The following STAG1 variants were observed in gnomAD, a reference collection of about 807,000 sequenced individuals.
STAG1 encodes the protein cohesin subunit SA-1.
STAG1 carries 26 observed loss-of-function variants against 170.9 expected under a neutral mutation model. That is an observed-to-expected ratio of 0.15 (90% confidence interval 0.11 to 0.21). The LOEUF (loss-of-function observed/expected upper bound fraction) is 0.21. Among genes scored for constraint, STAG1 ranks in the 10% least tolerant of loss-of-function variants. The probability of loss-of-function intolerance (pLI) is 1.00; values close to 1 mark genes in which losing one functional copy is unlikely to be tolerated. For missense variants in STAG1, 964 were observed against 1,509.5 expected, an observed-to-expected ratio of 0.64 and a Z score of 5.99; for synonymous variants, 514 against 497.7, an observed-to-expected ratio of 1.03 and a Z score of -0.44.
chr3:136,383,334 T>C (rs1479494748), intron 22 of STAG1, among the ~76,000 whole-genome samples: 3 of 152,212 alleles, frequency 2.0e-5, no homozygotes, highest in Admixed American at 6.5e-5. Flanking sequence ...TTATAAGAGC[T>C]TGCTCTAAAT....
chr3:136,736,051 C>T (rs1934315817), intron 1 of STAG1, among the ~76,000 whole-genome samples: 1 of 152,176 alleles, frequency 6.6e-6, no homozygotes, highest in Non-Finnish European at 1.5e-5. Flanking sequence ...GGGAGCACAC[C>T]CAGAAGCAAG....
At position 136,478,993 on chromosome 3, in the gene STAG1, T is replaced by C. The variant is rs565960491; in HGVS notation, c.903-1581A>G. Among the ~76,000 whole-genome samples, 68 of 151,590 alleles carry C rather than the reference T, an allele frequency of 4.5e-4. 1 individual carries two copies. The South Asian group carries it at 0.013, about 30-fold the overall frequency. On this transcript the variant is annotated intron_variant, in intron 9 of 33. Coordinates refer to ENST00000383202, the MANE Select transcript of STAG1 (RefSeq NM_005862.3). ...TGAGAATAAAATCACTTAATACAAATAGAAGACTTAGAATTCTACCTGGCA... is the reference window on the plus strand; with the variant it reads ...TGAGAATAAAATCACTTAATACAAACAGAAGACTTAGAATTCTACCTGGCA...
intron 13 of STAG1, among the ~76,000 whole-genome samples, chr3:136,459,179 C>T (rs2089203487): frequency 6.7e-6 from 1 of 149,258 alleles, no homozygotes; most frequent in Non-Finnish European, 1.5e-5. Flanking sequence ...GATGGCGCCA[C>T]TGCACTCCAG....
intron 21 of STAG1, among the ~76,000 whole-genome samples, chr3:136,410,984 G>A (rs1436171289): frequency 6.6e-6 from 1 of 152,246 alleles, no homozygotes; most frequent in Non-Finnish European, 1.5e-5. Flanking sequence ...GAACCCAGGA[G>A]GTGGAGGTTG....
intron 21 of STAG1, among the ~76,000 whole-genome samples, chr3:136,401,954 G>C (rs918312977): frequency 6.6e-6 from 1 of 151,870 alleles, no homozygotes; most frequent in Non-Finnish European, 1.5e-5. Flanking sequence ...ATGTTGGTCA[G>C]GCTGGTCTCT....
intron 23 of STAG1, among the ~76,000 whole-genome samples, chr3:136,376,664 G>A (rs1472811479): frequency 2.0e-5 from 3 of 152,322 alleles, no homozygotes; most frequent in African/African-American, 7.2e-5. Flanking sequence ...GTTTCAAGAT[G>A]TGGGGCTAAA....
chr3:136,590,333 C>T (rs1439449133), intron 4 of STAG1, among the ~76,000 whole-genome samples: 1 of 150,556 alleles, frequency 6.6e-6, no homozygotes, highest in South Asian at 2.1e-4. Flanking sequence ...AAAAAATACA[C>T]ACAAAAAAAA....
chr3:136,378,147 T>C (rs1303608835), intron 22 of STAG1, among the ~76,000 whole-genome samples: 1 of 152,212 alleles, frequency 6.6e-6, no homozygotes, highest in Non-Finnish European at 1.5e-5. Flanking sequence ...ATTTATCTTA[T>C]ATCTCAGCAC....
intron 1 of STAG1, among the ~76,000 whole-genome samples, chr3:136,642,944 G>C (rs1053195360): frequency 2.0e-5 from 3 of 152,268 alleles, no homozygotes; most frequent in Admixed American, 1.3e-4. Context: ...TCTTCCCTCT[G>C]TGTGCCTCTG....
intron 1 of STAG1, among the ~76,000 whole-genome samples, chr3:136,666,893 G>A (rs1480990694): frequency 2.0e-5 from 3 of 150,998 alleles, no homozygotes; most frequent in African/African-American, 7.3e-5. Context: ...CTTAAATGAA[G>A]AAGACAATAT....
intron 1 of STAG1, among the ~76,000 whole-genome samples, chr3:136,734,453 C>CA (rs1250962594): frequency 2.6e-5 from 4 of 151,790 alleles, no homozygotes; most frequent in Non-Finnish European, 5.9e-5. Context: ...GCCAAAGAGC[C>CA]AAAAAACAGT....
chr3:136,690,435 C>T (rs1942684629), intron 1 of STAG1, among the ~76,000 whole-genome samples: 1 of 152,232 alleles, frequency 6.6e-6, no homozygotes, highest in Non-Finnish European at 1.5e-5. Context: ...TGAGGTTTCA[C>T]CATGTTGGGC....
At chr3:136,455,363 G>A (rs1221248647) in intron 13 of STAG1, among the ~76,000 whole-genome samples, 1 of 152,136 alleles carries the variant, frequency 6.6e-6, no homozygotes, top group Non-Finnish European at 1.5e-5. Context: ...ATTTCACACG[G>A]TGCCAACTGC....
chr3:136,750,337 G>C (rs889307719), intron 1 of STAG1, among the ~76,000 whole-genome samples: 2 of 152,134 alleles, frequency 1.3e-5, no homozygotes, highest in Non-Finnish European at 2.9e-5. Context: ...GATAAAGAAA[G>C]TAAGGCTCAA....
chr3:136,350,182 A>G (rs1004479830), intron 28 of STAG1, among the ~76,000 whole-genome samples: 11 of 151,994 alleles, frequency 7.2e-5, no homozygotes, highest in African/African-American at 2.4e-4. Context: ...AAGAACAGCA[A>G]AAGTTTTGTA....
intron 4 of STAG1, among the ~76,000 whole-genome samples, chr3:136,578,275 C>T (rs550245753): frequency 6.6e-6 from 1 of 152,314 alleles, no homozygotes; most frequent in South Asian, 2.1e-4. Flanking sequence ...AGCAAATTGT[C>T]TATAAAGGGC....
At chr3:136,413,871 G>A (rs914519235) in intron 21 of STAG1, among the ~76,000 whole-genome samples, 25 of 152,092 alleles carry the variant, frequency 1.6e-4, no homozygotes, top group African/African-American at 4.3e-4. Context: ...TGAATATAGC[G>A]CAAGTTTACT....
chr3:136,407,076 G>GA (rs2087504965), intron 21 of STAG1, among the ~76,000 whole-genome samples: 1 of 152,038 alleles, frequency 6.6e-6, no homozygotes, highest in Non-Finnish European at 1.5e-5. Flanking sequence ...GCCCAGGCTG[G>GA]AGCGCAGTTG....
chr3:136,630,687 T>C (rs534838872), intron 2 of STAG1, among the ~76,000 whole-genome samples, 183 bp downstream of exon 2: 5 of 152,316 alleles, frequency 3.3e-5, no homozygotes, highest in East Asian at 1.9e-4. Context: ...GACAGTTCAA[T>C]AGCAAAAGCC....
Sources: allele counts gnomAD v4.1 joint callset (sites outside exome capture counted in the v4.1 genomes callset), GRCh38; gene constraint gnomAD v4.1.1; transcripts MANE v1.5; gene names NCBI Gene and HGNC (gene_info 2026-07-23, HGNC 2026-07-21).